IL20RA: variants seen among roughly 807,000 people sequenced by gnomAD.
The protein encoded by IL20RA is interleukin 20 receptor subunit alpha, also known as interleukin-20 receptor subunit alpha.
In IL20RA, 29 loss-of-function variants were observed where a neutral mutation model predicts 36.5. The ratio of observed to expected loss-of-function variants is 0.79; its 90% CI spans 0.59 to 1.08. The LOEUF (loss-of-function observed/expected upper bound fraction) is 1.08, where lower values mean the gene tolerates loss of function less well. Ranked by LOEUF, IL20RA falls within the 50% of genes least tolerant of loss-of-function variation. The probability of loss-of-function intolerance (pLI) is 0.00; values close to 1 mark genes in which losing one functional copy is unlikely to be tolerated. For missense variants in IL20RA, 652 were observed against 668.4 expected, an observed-to-expected ratio of 0.98 and a Z score of 0.27; for synonymous variants, 279 against 267.1, an observed-to-expected ratio of 1.04 and a Z score of -0.43.
chr6:137,005,152 A>G (rs1282647131), intron 5 of IL20RA, among the ~76,000 whole-genome samples: 2 of 152,238 alleles, frequency 1.3e-5, no homozygotes, highest in Non-Finnish European at 2.9e-5. Flanking sequence ...AAAACCCTCC[A>G]GTGAAGATCC....
intron 1 of IL20RA, among the ~76,000 whole-genome samples, chr6:137,023,227 T>G (rs1775297): frequency 0.82 from 124,218 of 151,412 alleles, 56,294 homozygotes; most frequent in East Asian, 1. Flanking sequence ...ACAGAACCCA[T>G]AAATACACAG....
intron 6 of IL20RA, 52 bp from the exon 7 acceptor site, chr6:137,002,407 A>C: frequency 8.2e-7 from 1 of 1,212,148 alleles, no homozygotes; most frequent in Non-Finnish European, 1.2e-6. Context: ...GAGAGACATT[A>C]AAAACAGCTG....
intron 5 of IL20RA, among the ~76,000 whole-genome samples, chr6:137,008,127 C>T (rs1775339311): frequency 6.6e-6 from 1 of 152,088 alleles, no homozygotes; most frequent in African/African-American, 2.4e-5. Flanking sequence ...ACTACCAAGC[C>T]TGGTTGATTT....
intron 1 of IL20RA, 182 bp downstream of exon 1, chr6:137,044,459 C>T (rs1582847096): frequency 6.1e-6 from 5 of 815,974 alleles, no homozygotes; most frequent in South Asian, 6.3e-5. Flanking sequence ...CGGCGAGTGT[C>T]CCCCGGGCTC....
intron 1 of IL20RA, among the ~76,000 whole-genome samples, chr6:137,027,605 A>C (rs1158770926): frequency 6.6e-6 from 1 of 152,268 alleles, no homozygotes; most frequent in Non-Finnish European, 1.5e-5. Context: ...AAAATGGAAC[A>C]GTACTATCTG....
chr6:137,016,201 T>C (rs945807447), intron 2 of IL20RA, among the ~76,000 whole-genome samples: 1 of 152,138 alleles, frequency 6.6e-6, no homozygotes, highest in Non-Finnish European at 1.5e-5. Flanking sequence ...GTGTGCCTGA[T>C]TTCTATTTCA....
intron 1 of IL20RA, among the ~76,000 whole-genome samples, chr6:137,034,669 G>C (rs756355418): frequency 6.6e-6 from 1 of 152,070 alleles, no homozygotes; most frequent in Non-Finnish European, 1.5e-5. Context: ...GGCCAGGTGC[G>C]GTGGCTCACG....
chr6:137,015,810 T>A (rs1775663104), intron 2 of IL20RA, among the ~76,000 whole-genome samples: 1 of 152,092 alleles, frequency 6.6e-6, no homozygotes, highest in South Asian at 2.1e-4. Flanking sequence ...GCATGCACTA[T>A]CATGACCGGC....
chr6:137,020,497 A>C (rs1322924407), intron 1 of IL20RA, among the ~76,000 whole-genome samples: 1 of 91,922 alleles, frequency 1.1e-5, no homozygotes, highest in Non-Finnish European at 2.8e-5. Flanking sequence ...TAAAAAAAAA[A>C]AAAAAACCCC....
At chr6:137,029,083 G>A (rs1280026942) in intron 1 of IL20RA, among the ~76,000 whole-genome samples, 1 of 152,192 alleles carries the variant, frequency 6.6e-6, no homozygotes, top group African/African-American at 2.4e-5. Flanking sequence ...ATTGTTGTGA[G>A]ATTTTTGTGT....
Position 137,020,045 on chromosome 6 carries a change from G to A in IL20RA, c.89-2942C>T, listed in dbSNP as rs529926975. Among the ~76,000 whole-genome samples, 313 of 152,324 alleles carry A rather than the reference G, an allele frequency of 2.1e-3. 1 individual carries two copies. Among genetic ancestry groups the A allele is most frequent in the African/African-American group, 7.4e-3 (308 of 41,558 alleles). ...AAGCCATGACAAAAGACACTTCTGA[G>A]ATTAGGTGATAAAAGGCACTGTGGC... On this transcript the variant is annotated intron_variant, in intron 1 of 6. Transcript: ENST00000316649.
intron 1 of IL20RA, among the ~76,000 whole-genome samples, chr6:137,040,310 A>G (rs774586411): frequency 5.5e-4 from 82 of 149,456 alleles, no homozygotes; most frequent in Admixed American, 2.3e-3. Context: ...ATGTGTGTGT[A>G]TAACTACGTT....
intron 1 of IL20RA, chr6:137,044,334 C>T (rs1271296792): frequency 1.3e-5 from 14 of 1,057,580 alleles, no homozygotes; most frequent in Non-Finnish European, 1.6e-5. Flanking sequence ...GCTGTGGGCA[C>T]CGCGCAGAGC....
At chr6:137,016,659 C>G (rs891688983) in intron 2 of IL20RA, among the ~76,000 whole-genome samples, 2 of 152,158 alleles carry the variant, frequency 1.3e-5, no homozygotes, top group Non-Finnish European at 2.9e-5. Flanking sequence ...TAATTCCAAA[C>G]AGCTTAGAAA....
chr6:137,010,991 CT>C (rs1053627853), intron 3 of IL20RA, among the ~76,000 whole-genome samples: 2 of 152,060 alleles, frequency 1.3e-5, no homozygotes, highest in Non-Finnish European at 2.9e-5. Context: ...AACCCTAACA[CT>C]TTGAGAAGCT....
chr6:137,032,606 C>CT (rs945679501), intron 1 of IL20RA, among the ~76,000 whole-genome samples: 2 of 152,212 alleles, frequency 1.3e-5, no homozygotes, highest in African/African-American at 2.4e-5. Context: ...TGTTGCATTT[C>CT]TTTTAACTTT....
chr6:137,013,782 T>TGG (rs1197146977), intron 2 of IL20RA, among the ~76,000 whole-genome samples: 1 of 152,202 alleles, frequency 6.6e-6, no homozygotes, highest in Non-Finnish European at 1.5e-5. Context: ...GGCTATGAAC[T>TGG]GGGGACTGTC....
intron 5 of IL20RA, among the ~76,000 whole-genome samples, chr6:137,005,376 C>T (rs145898674): frequency 2.1e-3 from 325 of 152,192 alleles, no homozygotes; most frequent in South Asian, 3.9e-3. Flanking sequence ...ACTCCCTTCC[C>T]GGGCCTGCTG....
At chr6:137,008,270 A>G (rs1775343361) in intron 5 of IL20RA, among the ~76,000 whole-genome samples, 1 of 152,232 alleles carries the variant, frequency 6.6e-6, no homozygotes, top group South Asian at 2.1e-4. Flanking sequence ...CAGCGTGATT[A>G]TGATTTTAAA....
Sources: allele counts gnomAD v4.1 joint callset (sites outside exome capture counted in the v4.1 genomes callset), GRCh38; gene constraint gnomAD v4.1.1; transcripts MANE v1.5; gene names NCBI Gene and HGNC (gene_info 2026-07-23, HGNC 2026-07-21).